MAEA: variants seen among roughly 807,000 people sequenced by gnomAD.
MAEA encodes the protein E3 ubiquitin-protein transferase MAEA.
A neutral mutation model predicts 46.2 loss-of-function variants in MAEA; 22 were observed. That is an observed-to-expected ratio of 0.48 (90% confidence interval 0.34 to 0.68). The LOEUF is 0.68. Ranked by LOEUF, MAEA falls within the 30% of genes least tolerant of loss-of-function variation. MAEA has a pLI of 0.01. For synonymous variants in MAEA, 246 were observed against 222.6 expected, an observed-to-expected ratio of 1.11 and a Z score of -0.94; for missense variants, 393 against 558.1, an observed-to-expected ratio of 0.70 and a Z score of 2.98.
chr4:1,298,189 T>C, intron 1 of MAEA: 1 of 411,684 alleles, frequency 2.4e-6, no homozygotes, highest in Non-Finnish European at 5.0e-6. Flanking sequence ...GCCCGCGGCT[T>C]GGCCCTGTCT....
Position 1,322,578 on chromosome 4 carries a change from C to T in MAEA, c.579+75C>T. 6.4e-6 allele frequency: 10 copies of T among 1,573,844 alleles called. No homozygotes were observed. The South Asian group carries it at 9.3e-5, about 15-fold the overall frequency. ...GCCACCTGCCCTGGAGCCAGCACCC[C>T]CTTGCCTGGTGGTTCACAGTAGTTT... On this transcript the variant is annotated intron_variant, in intron 4 of 8. Coordinates refer to ENST00000303400, the MANE Select transcript of MAEA (RefSeq NM_001017405.3).
At chr4:1,315,317 A>G in intron 2 of MAEA, 80 bp from the exon 3 acceptor site, 2 of 1,352,526 alleles carry the variant, frequency 1.5e-6, no homozygotes, top group South Asian at 2.4e-5. Flanking sequence ...AGTGTTGTGG[A>G]TTGGGGCAGC....
At chr4:1,293,616 C>G (rs919621758) in intron 1 of MAEA, among the ~76,000 whole-genome samples, 1 of 152,204 alleles carries the variant, frequency 6.6e-6, no homozygotes, top group Admixed American at 6.5e-5. Flanking sequence ...CTCTGTGAAC[C>G]CCACCTGGGC....
intron 1 of MAEA, among the ~76,000 whole-genome samples, chr4:1,298,279 T>C (rs1734966583): frequency 1.3e-5 from 2 of 152,114 alleles, no homozygotes; most frequent in Non-Finnish European, 2.9e-5. Flanking sequence ...GGCCAGCCTT[T>C]GTTCATGCAC....
chr4:1,310,542 T>G (rs1736362571), intron 1 of MAEA, among the ~76,000 whole-genome samples: 1 of 152,218 alleles, frequency 6.6e-6, no homozygotes, highest in African/African-American at 2.4e-5. Context: ...TGTTGTGTCT[T>G]GATAGCTTCC....
chr4:1,291,186 CGG>C (rs1734073950), intron 1 of MAEA, among the ~76,000 whole-genome samples: 3 of 152,114 alleles, frequency 2.0e-5, no homozygotes, highest in Admixed American at 1.3e-4. Context: ...TAAAAAGAAA[CGG>C]GGTTTCACTG....
At chr4:1,334,017 C>T (rs1479230614) in intron 6 of MAEA, among the ~76,000 whole-genome samples, 2 of 45,120 alleles carry the variant, frequency 4.4e-5, no homozygotes, top group Non-Finnish European at 8.9e-5. Flanking sequence ...CGTGCTCACC[C>T]CCATGCCCAC....
chr4:1,298,139 T>A, intron 1 of MAEA: 3 of 452,138 alleles, frequency 6.6e-6, no homozygotes. Flanking sequence ...TGCCCCTCCT[T>A]CTCCATGAGC....
At chr4:1,325,253 G>T (rs1260518772) in intron 4 of MAEA, among the ~76,000 whole-genome samples, 2 of 152,194 alleles carry the variant, frequency 1.3e-5, no homozygotes, top group Non-Finnish European at 2.9e-5. Context: ...TCACAGGCAT[G>T]GGTGGGTGAG....
intron 3 of MAEA, among the ~76,000 whole-genome samples, chr4:1,317,290 G>A (rs571185555): frequency 3.3e-4 from 37 of 110,746 alleles, no homozygotes; most frequent in African/African-American, 1.2e-3. Flanking sequence ...CTCACCTGCA[G>A]GCCCACCCGG....
Position 1,311,996 on chromosome 4 carries a change from G to T in MAEA, c.87G>T (p.Leu29=). Residue 29 remains leucine, a synonymous_variant, in exon 2 of 9, where the codon CTG becomes CTT. Coordinates refer to ENST00000303400, the MANE Select transcript of MAEA (RefSeq NM_001017405.3). This position sits in a 1 kb window ranked among gnomAD's most constrained non-coding sequence, Gnocchi z 4.4. ...CTCTCCAGGTGCCCTACGAGACGCT[G>T]AACAAACGCTTTCGCGCCGCTCAGA... ...YPTLKVPYET[L]NKRFRAAQKN... The T allele has an allele frequency of 6.2e-7, 1 of 1,611,792 alleles. No individual in the cohort carries two copies. Among genetic ancestry groups the T allele is most frequent in the South Asian group, 1.1e-5 (1 of 90,988 alleles).
At chr4:1,321,804 A>C (rs995636029) in intron 3 of MAEA, among the ~76,000 whole-genome samples, 6 of 150,198 alleles carry the variant, frequency 4.0e-5, no homozygotes, top group Non-Finnish European at 5.9e-5. Flanking sequence ...GGCACTGAGC[A>C]CCCACCCCCT....
chr4:1,328,598 A>T, intron 5 of MAEA: 1 of 1,209,346 alleles, frequency 8.3e-7, no homozygotes, highest in Non-Finnish European at 1.1e-6. Flanking sequence ...GTCCATGCCC[A>T]CAGAAACCCG....
intron 7 of MAEA, chr4:1,337,799 C>G: frequency 5.7e-6 from 1 of 176,050 alleles, no homozygotes; most frequent in Admixed American, 6.1e-5. Flanking sequence ...TCTACCCCTG[C>G]CTGTGACTGA....
At chr4:1,337,331 A>C (rs1447368102) in intron 7 of MAEA, 9 of 212,764 alleles carry the variant, frequency 4.2e-5, no homozygotes, top group East Asian at 1.8e-4. Flanking sequence ...ATTACCAAGA[A>C]CCTTGCCTGT....
At chr4:1,319,466 T>C (rs1317490040) in intron 3 of MAEA, among the ~76,000 whole-genome samples, 1 of 152,200 alleles carries the variant, frequency 6.6e-6, no homozygotes, top group Admixed American at 6.5e-5. Context: ...CTCACATCTT[T>C]CATGTGACTC....
At chr4:1,305,901 CAGT>C (rs1735783236) in intron 1 of MAEA, among the ~76,000 whole-genome samples, 2 of 152,232 alleles carry the variant, frequency 1.3e-5, no homozygotes, top group African/African-American at 4.8e-5. Flanking sequence ...AGAGGGCTGA[CAGT>C]AGCAGTTTTA....
rs1208246118 is a variant in MAEA at position 1,332,881 on chromosome 4, C to T, written c.765+16C>T. ...CCCGTACAAGGTAGGGCGTGCGTCC[C>T]TGGGGTCGGTGTCATGCTGGGGTGG... On this transcript the variant is annotated intron_variant, in intron 6 of 8. Coordinates refer to ENST00000303400, the MANE Select transcript of MAEA (RefSeq NM_001017405.3). The T allele has an allele frequency of 1.9e-6, 3 of 1,588,400 alleles. No individual in the cohort carries two copies. The highest frequency in any genetic ancestry group is 1.7e-6 in the Non-Finnish European group (2 of 1,161,774).
At chr4:1,320,619 T>C (rs1737952777) in intron 3 of MAEA, among the ~76,000 whole-genome samples, 1 of 147,426 alleles carries the variant, frequency 6.8e-6, no homozygotes, top group African/African-American at 2.6e-5. Flanking sequence ...GAAAACGCTA[T>C]GGAGGGGCAT....
Sources: gnomAD v4.1 joint callset for allele counts (sites outside exome capture counted in the v4.1 genomes callset) on GRCh38, gnomAD v4.1.1 for gene constraint, Gnocchi (gnomAD v3.1) non-coding constraint, MANE v1.5 for transcripts, NCBI Gene and HGNC (gene_info 2026-07-23, HGNC 2026-07-21) for gene names.